Variants in COL14A1 observed in about 807,000 individuals in gnomAD.
The protein encoded by COL14A1 is collagen type XIV alpha 1 chain, also known as collagen alpha-1(XIV) chain.
Under a neutral mutation model 230.3 loss-of-function variants are expected in COL14A1, and 136 were observed. That is an observed-to-expected ratio of 0.59 (90% CI 0.51 to 0.68). The LOEUF (loss-of-function observed/expected upper bound fraction) is 0.68, where lower values mean the gene tolerates loss of function less well. COL14A1 is among the 30% of genes least tolerant of loss of function. The pLI, the probability that COL14A1 is intolerant of heterozygous loss-of-function variation, is 0.00. For missense variants in COL14A1, 1,976 were observed against 2,215.8 expected, an observed-to-expected ratio of 0.89 and a Z score of 2.17; for synonymous variants, 792 against 784.1, an observed-to-expected ratio of 1.01 and a Z score of -0.17.
At chr8:120,238,187 T>C (rs1411547671) in intron 19 of COL14A1, among the ~76,000 whole-genome samples, 1 of 152,152 alleles carries the variant, frequency 6.6e-6, no homozygotes, top group African/African-American at 2.4e-5. Context: ...AATGTTTAAG[T>C]CTGCTGAAGC....
chr8:120,310,036 G>A lies in COL14A1; in HGVS notation c.4429G>A (p.Gly1477Ser). Residue 1477 changes from glycine (G) to serine (S), a missense_variant, in exon 37 of 48, where the codon GGC becomes AGC. Around this residue, in one of 3 missense-constraint regions of COL14A1, gnomAD observed 1,791 missense variants for 2,019.5 expected, o/e 0.89. Transcript: ENST00000297848. ...PGGPGLRGPK[G>S]QQGEPGPKGP... The stretch of plus-strand genomic sequence containing the variant: ...TGGTCCAGGACTCCGAGGACCAAAG[G>A]GCCAGCAAGGTGAACCGGGTCCAAA... The A allele has an allele frequency of 6.2e-7, 1 of 1,613,336 alleles. No individual in the cohort carries two copies. The highest frequency in any genetic ancestry group is 8.5e-7 in the Non-Finnish European group (1 of 1,179,518).
At chr8:120,310,929 TC>T (rs1434145209) in intron 37 of COL14A1, among the ~76,000 whole-genome samples, 1 of 152,196 alleles carries the variant, frequency 6.6e-6, no homozygotes, top group Non-Finnish European at 1.5e-5. Flanking sequence ...CCACATGTTC[TC>T]CTCTCCATCC....
At chr8:120,192,993 T>G (rs1360756270) in intron 5 of COL14A1, among the ~76,000 whole-genome samples, 6 of 152,200 alleles carry the variant, frequency 3.9e-5, no homozygotes, top group African/African-American at 9.6e-5. Context: ...TGGTTTGAAT[T>G]TCCTCCTGTA....
At position 120,196,945 on chromosome 8, in the gene COL14A1, T is replaced by G. The variant is rs756025821; in HGVS notation, c.591T>G (p.Ile197Met). The part of the protein sequence containing the change: ...AFDVGSEKTR[I>M]GLAQYSGDPR... ...ATGTGGGCTCAGAGAAGACACGAAT[T>G]GGTATAATTTCTATTATTAGCAGTA... The change falls in exon 6 of 48, where the codon ATT (isoleucine) becomes ATG (methionine). Residue 197 changes from isoleucine (I) to methionine (M), a missense_variant and splice_region_variant. This residue lies in a region of COL14A1 where 1,791 missense variants were observed against 2,019.5 expected (regional missense o/e 0.89). Transcript: ENST00000297848. The G allele has an allele frequency of 6.2e-7, 1 of 1,613,572 alleles. No individual in the cohort carries two copies. The highest frequency in any genetic ancestry group is 8.5e-7 in the Non-Finnish European group (1 of 1,179,802).
intron 1 of COL14A1, among the ~76,000 whole-genome samples, chr8:120,138,646 A>G (rs572271035): frequency 2.9e-4 from 44 of 152,206 alleles, no homozygotes; most frequent in Non-Finnish European, 5.9e-4. Context: ...ATGCTAACAG[A>G]TAAGTGTAAT....
chr8:120,345,454 T>G lies in COL14A1; in HGVS notation c.4968T>G (p.Pro1656=). Residue 1656 remains proline, a synonymous_variant, in exon 45 of 48, where the codon CCT becomes CCG. Transcript: ENST00000297848. ...SSSIRTVQGP[P]GEPGRPGSPG... ...CCATCCGGACTGTCCAAGGGCCTCC[T>G]GGGGAGCCTGGGAGGCCAGGCTCAC... The G allele has an allele frequency of 1.2e-6, 2 of 1,603,442 alleles. No individual in the cohort carries two copies. Among genetic ancestry groups the G allele is most frequent in the Non-Finnish European group, 1.7e-6 (2 of 1,175,130 alleles).
intron 33 of COL14A1, among the ~76,000 whole-genome samples, chr8:120,287,228 AC>A (rs998991961): frequency 1.2e-4 from 18 of 152,026 alleles, no homozygotes; most frequent in South Asian, 2.1e-4. Flanking sequence ...AAAAAAAAAA[AC>A]AACTTGCTTT....
At chr8:120,191,713 A>G (rs1479786235) in intron 5 of COL14A1, among the ~76,000 whole-genome samples, 1 of 150,266 alleles carries the variant, frequency 6.7e-6, no homozygotes, top group Non-Finnish European at 1.5e-5. Context: ...GACTTGCTTT[A>G]TGAATCTGGG....
At chr8:120,193,102 T>C (rs1436581450) in intron 5 of COL14A1, among the ~76,000 whole-genome samples, 1 of 152,228 alleles carries the variant, frequency 6.6e-6, no homozygotes, top group Non-Finnish European at 1.5e-5. Context: ...ACTGCGTTCC[T>C]TTGGAGGAGG....
chr8:120,305,260 G>A (rs1279959659), intron 36 of COL14A1, among the ~76,000 whole-genome samples: 3 of 152,246 alleles, frequency 2.0e-5, no homozygotes, highest in East Asian at 1.9e-4. Flanking sequence ...GATTACAGGC[G>A]TGAGCCACCG....
At chr8:120,283,552 A>T (rs1214422708) in intron 31 of COL14A1, 84 bp from the exon 32 acceptor site, 2 of 1,414,326 alleles carry the variant, frequency 1.4e-6, no homozygotes, top group East Asian at 4.6e-5. Context: ...ATCTTGTGTA[A>T]TGAAAATGTA....
Position 120,315,960 on chromosome 8 carries a change from T to G in COL14A1, c.4622T>G (p.Val1541Gly). ...TCTACACAGGGTATCCCAGGAGGCGTTGGTTCACCAGGACGTGATGGCTCA... is the reference window on the plus strand; with the variant it reads ...TCTACACAGGGTATCCCAGGAGGCGGTGGTTCACCAGGACGTGATGGCTCA... ...LPGPQGIPGG[V>G]GSPGRDGSPG... The change falls in exon 40 of 48, where the codon GTT becomes GGT. Residue 1541 changes from valine (V) to glycine (G), a missense_variant. Val to Gly is a moderately radical substitution (Grantham distance 109). Coordinates refer to ENST00000297848, the MANE Select transcript of COL14A1 (RefSeq NM_021110.4). 6.2e-7 allele frequency: 1 copy of G among 1,613,984 alleles called. No individual in the cohort carries two copies. The highest frequency in any genetic ancestry group is 8.5e-7 in the Non-Finnish European group (1 of 1,179,976).
At chr8:120,225,346 TA>T (rs1818062314) in intron 15 of COL14A1, 132 bp downstream of exon 15, 5 of 751,600 alleles carry the variant, frequency 6.7e-6, no homozygotes, top group East Asian at 6.0e-5. Flanking sequence ...TTTATGTTAT[TA>T]AAAAATAAAC....
chr8:120,159,631 A>T (rs1184865795), intron 3 of COL14A1, among the ~76,000 whole-genome samples: 2 of 152,160 alleles, frequency 1.3e-5, no homozygotes, highest in Non-Finnish European at 2.9e-5. Flanking sequence ...CAAGACAAGC[A>T]GATGAAACAC....
At chr8:120,260,461 C>T (rs565554665) in intron 23 of COL14A1, among the ~76,000 whole-genome samples, 43 of 152,124 alleles carry the variant, frequency 2.8e-4, no homozygotes, top group Non-Finnish European at 4.9e-4. Flanking sequence ...TTCATAAACT[C>T]CTCTGCAAAT....
intron 5 of COL14A1, among the ~76,000 whole-genome samples, chr8:120,168,736 AT>A (rs1325523081): frequency 1.3e-5 from 2 of 152,200 alleles, no homozygotes; most frequent in Non-Finnish European, 2.9e-5. Context: ...TATGTGTAAA[AT>A]ACTTAGAACT....
intron 40 of COL14A1, among the ~76,000 whole-genome samples, chr8:120,318,254 A>G (rs16893913): frequency 0.055 from 8,325 of 152,224 alleles, 757 homozygotes; most frequent in African/African-American, 0.19. Context: ...ATTACTGCCT[A>G]CAGAGAAGAA....
chr8:120,214,115 T>G (rs1316264063), intron 13 of COL14A1: 2 of 214,738 alleles, frequency 9.3e-6, no homozygotes, highest in Non-Finnish European at 1.9e-5. Flanking sequence ...CTATCAGCAC[T>G]GACTTTGTGG....
chr8:120,283,005 C>G (rs1250557260), intron 31 of COL14A1, among the ~76,000 whole-genome samples: 1 of 152,048 alleles, frequency 6.6e-6, no homozygotes, highest in East Asian at 1.9e-4. Context: ...TATACTTCCT[C>G]AATGACCAGT....
Sources: gnomAD v4.1 joint callset for allele counts (sites outside exome capture counted in the v4.1 genomes callset) on GRCh38, gnomAD v4.1.1 for gene constraint, gnomAD v4.1.1 regional missense constraint, MANE v1.5 for transcripts, NCBI Gene and HGNC (gene_info 2026-07-23, HGNC 2026-07-21) for gene names.